The following PTDSS2 variants were observed in gnomAD, a reference collection of about 807,000 sequenced individuals.
The protein encoded by PTDSS2 is phosphatidylserine synthase 2, also known as PSS-2.
A neutral mutation model predicts 64.7 loss-of-function variants in PTDSS2; 41 were observed. That is an observed-to-expected ratio of 0.63 (90% confidence interval 0.49 to 0.82). The LOEUF (loss-of-function observed/expected upper bound fraction) is 0.82, where lower values mean the gene tolerates loss of function less well. PTDSS2 is among the 40% of genes least tolerant of loss of function. The pLI, the probability that PTDSS2 is intolerant of heterozygous loss-of-function variation, is 0.00. For missense variants in PTDSS2, 485 were observed against 650.0 expected (o/e 0.75, Z 2.76); for synonymous variants, 297 against 277.8 (o/e 1.07, Z -0.69).
In PTDSS2 at chr11:487,060, T is replaced by C; in HGVS notation, c.557T>C (p.Phe186Ser). ...IYDPDNETDP[F>S]HNIWDKLDGF... Reference sequence around the variant, plus strand: ...GACCCAGACAATGAGACTGACCCCTTTCACAACATCTGGGTAAGACGCCGG... The same window carrying C: ...GACCCAGACAATGAGACTGACCCCTCTCACAACATCTGGGTAAGACGCCGG... The change falls in exon 5 of 12, where the codon TTT becomes TCT. Residue 186 changes from phenylalanine to serine, a missense_variant. Physicochemically the swap from Phe to Ser is radical, Grantham distance 155. Coordinates refer to ENST00000308020, the MANE Select transcript of PTDSS2 (RefSeq NM_030783.3). The C allele has an allele frequency of 6.2e-7, 1 of 1,613,142 alleles. No individual in the cohort carries two copies. The highest frequency in any genetic ancestry group is 2.2e-5 in the East Asian group (1 of 44,878).
chr11:454,768 G>T (rs954071806), intron 1 of PTDSS2, among the ~76,000 whole-genome samples: 2 of 152,204 alleles, frequency 1.3e-5, no homozygotes, highest in African/African-American at 4.8e-5. Flanking sequence ...CAGCCTGGGT[G>T]ACAGAGCAAG....
intron 1 of PTDSS2, among the ~76,000 whole-genome samples, chr11:452,181 C>G (rs368895368): frequency 1.4e-4 from 21 of 152,166 alleles, no homozygotes; most frequent in Admixed American, 1.4e-3. Flanking sequence ...GGTCCCGGAG[C>G]GAGGAGACCA....
At chr11:468,637 G>A (rs112314832) in intron 2 of PTDSS2, among the ~76,000 whole-genome samples, 1 of 152,220 alleles carries the variant, frequency 6.6e-6, no homozygotes, top group Non-Finnish European at 1.5e-5. Flanking sequence ...TGCTCTAGTC[G>A]ATAAAGTTTT....
In PTDSS2 at chr11:490,584, C is replaced by T. The variant is rs765115709; in HGVS notation, c.*2C>T. ...GAGGGAGCACCAACTCCAAACTGAC[C>T]TGGGCCGTGGCTGCCTCGTGAGCCT... On this transcript the variant is annotated 3_prime_UTR_variant, in exon 12 of 12. Transcript: ENST00000308020. 1 of 1,583,662 alleles carries T rather than the reference C, an allele frequency of 6.3e-7. No individual in the cohort carries two copies. Among genetic ancestry groups the T allele is most frequent in the Admixed American group, 1.8e-5 (1 of 54,196 alleles).
intron 1 of PTDSS2, among the ~76,000 whole-genome samples, chr11:457,127 C>A (rs1220444151): frequency 2.0e-5 from 3 of 152,214 alleles, no homozygotes; most frequent in Non-Finnish European, 4.4e-5. Flanking sequence ...ACCCCATCTG[C>A]ACAAAAAATA....
chr11:485,981 C>T (rs1227850156), intron 4 of PTDSS2, among the ~76,000 whole-genome samples: 3 of 126,616 alleles, frequency 2.4e-5, no homozygotes, highest in Admixed American at 7.8e-5. Flanking sequence ...GCTCACCGTG[C>T]GCGCAGGCGA....
Position 460,132 on chromosome 11 carries a change from A to G in PTDSS2, c.183-55A>G. On this transcript the variant is annotated intron_variant, in intron 1 of 11. Transcript: ENST00000308020. The surrounding 1 kb of genome is among the most constrained non-coding windows in gnomAD (Gnocchi z 5.8). ...AGGATTTGGGGCCTGTTACGTGAGTATTTAGCAATGCTGCCCAAGCTCTGA... is the reference window on the plus strand; with the variant it reads ...AGGATTTGGGGCCTGTTACGTGAGTGTTTAGCAATGCTGCCCAAGCTCTGA... 7.0e-7 allele frequency: 1 copy of G among 1,427,718 alleles called. No homozygotes were observed. The highest frequency in any genetic ancestry group is 9.9e-7 in the Non-Finnish European group (1 of 1,012,940). The allele number at this position is 1,427,718 out of a possible 1,614,324, so 88.4% of individuals were successfully genotyped here.
intron 4 of PTDSS2, among the ~76,000 whole-genome samples, chr11:486,395 C>T (rs1848389430): frequency 6.6e-6 from 1 of 152,196 alleles, no homozygotes; most frequent in African/African-American, 2.4e-5. Context: ...GCACCTGTGC[C>T]CACCTGGCCC....
chr11:464,857 C>G (rs1184598982), intron 2 of PTDSS2, among the ~76,000 whole-genome samples: 1 of 152,164 alleles, frequency 6.6e-6, no homozygotes, highest in Non-Finnish European at 1.5e-5. Context: ...TATAAATATC[C>G]TTACTTGTAA....
chr11:471,830 C>T (rs1309856998), intron 2 of PTDSS2, among the ~76,000 whole-genome samples: 19 of 110,314 alleles, frequency 1.7e-4, no homozygotes, highest in Middle Eastern at 7.8e-3. Context: ...TGGGGTGACG[C>T]GGATGGTGGC....
chr11:484,141 C>T (rs1848192807), intron 4 of PTDSS2, among the ~76,000 whole-genome samples: 2 of 152,218 alleles, frequency 1.3e-5, no homozygotes, highest in Non-Finnish European at 2.9e-5. Flanking sequence ...TTGTCTTACA[C>T]TTGCATATTT....
intron 4 of PTDSS2, among the ~76,000 whole-genome samples, chr11:484,113 G>T (rs750964854): frequency 2.1e-4 from 32 of 152,182 alleles, no homozygotes; most frequent in Non-Finnish European, 4.3e-4. Context: ...ATTTATATCA[G>T]TGTGGACGTA....
intron 2 of PTDSS2, among the ~76,000 whole-genome samples, chr11:472,908 C>A (rs1847541741): frequency 6.6e-6 from 1 of 152,224 alleles, no homozygotes; most frequent in Non-Finnish European, 1.5e-5. Context: ...TGACTGTCGG[C>A]ACGGCACTGC....
rs374145691 is a variant in PTDSS2 at position 469,889 on chromosome 11, C to T, written c.285-4006C>T. ...ACAAAACCCCACAGTCACGGGATTG[C>T]GTCCCAGTGAAAGAGCCTCCCAGTG... On this transcript the variant is annotated intron_variant, in intron 2 of 11. Transcript: ENST00000308020. 3.0e-4 allele frequency among the ~76,000 whole-genome samples: 45 copies of T among 152,206 alleles called. No individual in the cohort carries two copies. In the East Asian group the frequency reaches 3.1e-3, roughly 10 times the overall value.
intron 2 of PTDSS2, among the ~76,000 whole-genome samples, chr11:472,612 C>T (rs1847522608): frequency 6.6e-6 from 1 of 152,168 alleles, no homozygotes; most frequent in Non-Finnish European, 1.5e-5. Context: ...CAGGGGCCAG[C>T]GACCTTGTGC....
intron 8 of PTDSS2, 47 bp downstream of exon 8, chr11:488,694 G>A: frequency 7.1e-7 from 1 of 1,414,028 alleles, no homozygotes; most frequent in South Asian, 1.1e-5. Context: ...GGGTTACCTG[G>A]AGGCAGCCTC....
At chr11:489,378 C>T (rs753337066) in intron 8 of PTDSS2, 22 bp from the exon 9 acceptor site, 4 of 1,604,182 alleles carry the variant, frequency 2.5e-6, no homozygotes, top group Non-Finnish European at 3.4e-6. Flanking sequence ...CTTCCTCAGG[C>T]TGCCGGCTCT....
At chr11:466,467 A>G (rs1235448772) in intron 2 of PTDSS2, among the ~76,000 whole-genome samples, 2 of 143,664 alleles carry the variant, frequency 1.4e-5, no homozygotes, top group Non-Finnish European at 3.0e-5. Flanking sequence ...GTGCAGTGGC[A>G]TGATCTTGGG....
rs1361894050 is a variant in PTDSS2 at position 485,380 on chromosome 11, T to C, written c.436-1559T>C. Among the ~76,000 whole-genome samples, 6 of 125,040 alleles carry C rather than the reference T, an allele frequency of 4.8e-5. No individual in the cohort carries two copies. The South Asian group carries it at 1.1e-3, about 24-fold the overall frequency. The allele number at this position is 125,040 out of a possible 152,430, so 82.0% of individuals were successfully genotyped here. A position where few individuals can be genotyped will look rare whatever the true frequency, so the allele number is the denominator to read the frequency against. On this transcript the variant is annotated intron_variant, in intron 4 of 11. Transcript: ENST00000308020. ...GGCGTCTGTAAACAGTGCATGGGCA[T>C]GTGTGCTGTGTGTGTGCAGGCGACC...
Sources: allele counts gnomAD v4.1 joint callset (sites outside exome capture counted in the v4.1 genomes callset), GRCh38; gene constraint gnomAD v4.1.1; non-coding constraint Gnocchi (gnomAD v3.1); transcripts MANE v1.5; gene names NCBI Gene and HGNC (gene_info 2026-07-23, HGNC 2026-07-21).